ROBO1: variants seen among roughly 807,000 people sequenced by gnomAD.
The protein encoded by ROBO1 is roundabout homolog 1.
In ROBO1, 149 loss-of-function variants were observed where a neutral mutation model predicts 195.9. The observed-to-expected ratio is 0.76, with a 90% CI of 0.67 to 0.87. ROBO1 has a LOEUF of 0.87. Ranked by LOEUF, ROBO1 falls within the 40% of genes least tolerant of loss-of-function variation. The pLI is 0.00. For missense variants in ROBO1, 1,933 were observed against 2,068.3 expected (o/e 0.93, Z 1.27); for synonymous variants, 816 against 733.2 (o/e 1.11, Z -1.82).
intron 22 of ROBO1, 140 bp from the exon 23 acceptor site, chr3:78,636,248 C>A: frequency 3.7e-6 from 2 of 546,918 alleles, no homozygotes; most frequent in Non-Finnish European, 6.4e-6. Flanking sequence ...ATAAAAACGG[C>A]CAAATATCCA....
In ROBO1 at chr3:78,961,445, C is replaced by T. The variant is rs574087670; in HGVS notation, c.173-22518G>A. On this transcript the variant is annotated intron_variant, in intron 3 of 30. Coordinates refer to ENST00000464233, the MANE Select transcript of ROBO1 (RefSeq NM_002941.4). Reference sequence around the variant, plus strand: ...GAGCTTTCTCAAAACATCTCAAAAGCACACAGGTAAGATTTTTTTTAAATT... The same window carrying T: ...GAGCTTTCTCAAAACATCTCAAAAGTACACAGGTAAGATTTTTTTTAAATT... 3.9e-5 allele frequency among the ~76,000 whole-genome samples: 6 copies of T among 152,272 alleles called. No individual in the cohort carries two copies. The South Asian group carries it at 1.2e-3, about 32-fold the overall frequency.
At chr3:79,153,942 C>T (rs148783921) in intron 2 of ROBO1, among the ~76,000 whole-genome samples, 2,907 of 151,632 alleles carry the variant, frequency 0.019, 52 homozygotes, top group Non-Finnish European at 0.023. Context: ...AAGGACATAA[C>T]CAAGTATCTG....
chr3:78,673,565 TATATATATATATATATATA>T (rs1708205958), intron 10 of ROBO1, among the ~76,000 whole-genome samples: 3 of 20,132 alleles, frequency 1.5e-4, no homozygotes, highest in Admixed American at 7.5e-4. Flanking sequence ...ATATATTTTA[TATATATATATATATATATA>T]TATATATATA....
At chr3:79,614,284 G>A (rs1161885912) in intron 1 of ROBO1, among the ~76,000 whole-genome samples, 2 of 151,986 alleles carry the variant, frequency 1.3e-5, no homozygotes, top group African/African-American at 4.8e-5. Flanking sequence ...AGAATGAAAT[G>A]GAGTTTAAAC....
intron 2 of ROBO1, among the ~76,000 whole-genome samples, chr3:79,434,608 GT>G (rs2038812103): frequency 6.6e-6 from 1 of 152,126 alleles, no homozygotes; most frequent in African/African-American, 2.4e-5. Flanking sequence ...CTTTTACACT[GT>G]TGGTGGGACT....
chr3:79,593,296 T>C (rs1944063724), intron 1 of ROBO1, among the ~76,000 whole-genome samples: 1 of 152,184 alleles, frequency 6.6e-6, no homozygotes, highest in East Asian at 1.9e-4. Flanking sequence ...TGTTCAATTA[T>C]ATGGTAAGAC....
At chr3:78,647,084 A>G (rs1437632809) in intron 20 of ROBO1, among the ~76,000 whole-genome samples, 1 of 152,022 alleles carries the variant, frequency 6.6e-6, no homozygotes, top group Non-Finnish European at 1.5e-5. Flanking sequence ...CTACACGTAC[A>G]TCTTTTCCTG....
chr3:78,774,999 TAG>T (rs1163334829), intron 4 of ROBO1, among the ~76,000 whole-genome samples: 1 of 152,174 alleles, frequency 6.6e-6, no homozygotes, highest in Non-Finnish European at 1.5e-5. Context: ...CTTGAAAAAA[TAG>T]ACTTTTTCCA....
chr3:78,995,074 G>T (rs2077328802), intron 3 of ROBO1, among the ~76,000 whole-genome samples: 1 of 152,056 alleles, frequency 6.6e-6, no homozygotes, highest in African/African-American at 2.4e-5. Context: ...CTTCTGTAGT[G>T]CACCTTATAC....
At chr3:79,472,843 G>A (rs1048307360) in intron 2 of ROBO1, among the ~76,000 whole-genome samples, 4 of 152,074 alleles carry the variant, frequency 2.6e-5, no homozygotes, top group African/African-American at 4.8e-5. Flanking sequence ...TGATGGCTTA[G>A]AATTTACTAT....
intron 2 of ROBO1, among the ~76,000 whole-genome samples, chr3:79,579,199 A>C (rs1009603141): frequency 6.6e-6 from 1 of 152,208 alleles, no homozygotes. Flanking sequence ...TTAGGAATAC[A>C]CAAGTTGAGC....
intron 8 of ROBO1, among the ~76,000 whole-genome samples, chr3:78,711,348 C>CTCCTTTCTTTCTTCCTTCCTTCCT (rs1575992298): frequency 3.7e-5 from 2 of 54,702 alleles, no homozygotes; most frequent in South Asian, 8.7e-4. Context: ...TCCTTCCTTC[C>CTCCTTTCTTTCTTCCTTCCTTCCT]TCCTTCCTTC....
At chr3:78,641,174 T>C (rs1016351042) in intron 21 of ROBO1, among the ~76,000 whole-genome samples, 1 of 152,184 alleles carries the variant, frequency 6.6e-6, no homozygotes, top group Non-Finnish European at 1.5e-5. Context: ...CACGACAATT[T>C]TACAAGGGAG....
chr3:79,267,192 T>C (rs1036806403), intron 2 of ROBO1, among the ~76,000 whole-genome samples: 1 of 151,538 alleles, frequency 6.6e-6, no homozygotes, highest in South Asian at 2.1e-4. Context: ...AAAACTTCCA[T>C]AGGACTCTGC....
chr3:79,458,778 A>G (rs1192417301), intron 2 of ROBO1, among the ~76,000 whole-genome samples: 2 of 152,128 alleles, frequency 1.3e-5, no homozygotes, highest in African/African-American at 4.8e-5. Context: ...TTTTTAGCAT[A>G]AAGCAAAACA....
At chr3:78,669,223 C>T (rs184932576) in intron 11 of ROBO1, among the ~76,000 whole-genome samples, 1 of 152,214 alleles carries the variant, frequency 6.6e-6, no homozygotes, top group Non-Finnish European at 1.5e-5. Context: ...AACCCATCTA[C>T]TTCTGCTCAA....
chr3:79,026,147 T>C (rs1487443863), intron 3 of ROBO1, among the ~76,000 whole-genome samples: 5 of 152,130 alleles, frequency 3.3e-5, no homozygotes, highest in Non-Finnish European at 7.4e-5. Context: ...CAGTTTCTAA[T>C]AGAATAAAAA....
intron 2 of ROBO1, among the ~76,000 whole-genome samples, chr3:79,431,681 T>C (rs2038685512): frequency 6.6e-6 from 1 of 152,158 alleles, no homozygotes; most frequent in Admixed American, 6.6e-5. Flanking sequence ...TTAGACAAAA[T>C]GTTTAATTGC....
At chr3:78,678,662 C>G (rs1708591809) in intron 10 of ROBO1, among the ~76,000 whole-genome samples, 1 of 152,144 alleles carries the variant, frequency 6.6e-6, no homozygotes, top group South Asian at 2.1e-4. Context: ...ATAACAGGAT[C>G]TGAAATTGTG....
Sources: allele counts gnomAD v4.1 joint callset (sites outside exome capture counted in the v4.1 genomes callset), GRCh38; gene constraint gnomAD v4.1.1; transcripts MANE v1.5; gene names NCBI Gene and HGNC (gene_info 2026-07-23, HGNC 2026-07-21).